Variants in WDR37 observed in about 807,000 individuals in gnomAD.
WDR37 encodes the protein WD repeat-containing protein 37.
A neutral mutation model predicts 62.9 loss-of-function variants in WDR37; 19 were observed. The observed-to-expected ratio is 0.30, with a 90% CI of 0.21 to 0.44. The LOEUF is 0.44. WDR37 is among the 20% of genes least tolerant of loss of function. The probability of loss-of-function intolerance (pLI) is 1.00; values close to 1 mark genes in which losing one functional copy is unlikely to be tolerated. For synonymous variants in WDR37, 250 were observed against 260.9 expected (o/e 0.96, Z 0.40); for missense variants, 474 against 657.6 (o/e 0.72, Z 3.05).
chr10:1,112,292 T>G (rs1336675330), intron 11 of WDR37, among the ~76,000 whole-genome samples: 1 of 152,202 alleles, frequency 6.6e-6, no homozygotes, highest in Non-Finnish European at 1.5e-5. Flanking sequence ...TATAATTGGT[T>G]TTGAGGCCCT....
intron 9 of WDR37, among the ~76,000 whole-genome samples, chr10:1,098,299 C>T (rs1834663563): frequency 6.7e-6 from 1 of 149,816 alleles, no homozygotes; most frequent in African/African-American, 2.5e-5. Context: ...TGTGCACGCT[C>T]TCTTTCTACC....
In WDR37 at chr10:1,064,583, C is replaced by CTTTTTTTT. The variant is rs71376884; in HGVS notation, c.-40-7510_-40-7503dup. Among the ~76,000 whole-genome samples, 104 of 70,490 alleles carry CTTTTTTTT rather than the reference C, an allele frequency of 1.5e-3. 11 individuals are homozygous for CTTTTTTTT. Among genetic ancestry groups the CTTTTTTTT allele is most frequent in the African/African-American group, 3.4e-3 (57 of 16,562 alleles). The allele number at this position is 70,490 out of a possible 152,430, so 46.2% of individuals were successfully genotyped here. On this transcript the variant is annotated intron_variant, in intron 1 of 13. Transcript: ENST00000263150. ...GGAAACAATTTGAGTGACAATGGAT[C>CTTTTTTTT]TTTTTTTTTTTTTTTTTTTTTTTTT...
chr10:1,126,911 T>C (rs10160136), intron 13 of WDR37, among the ~76,000 whole-genome samples: 92,420 of 152,084 alleles, frequency 0.61, 28,135 homozygotes, highest in Middle Eastern at 0.73. Flanking sequence ...AATAGTGGAG[T>C]AGAAAAATTT....
At chr10:1,111,893 T>TTC (rs200224259) in intron 11 of WDR37, among the ~76,000 whole-genome samples, 7 of 148,524 alleles carry the variant, frequency 4.7e-5, no homozygotes, top group Non-Finnish European at 4.5e-5. Flanking sequence ...TGGTGGCTAT[T>TTC]TCTCTCTCTC....
At chr10:1,069,389 A>ATTTTTTTTTTTTTTTTTTTTTT (rs377212232) in intron 1 of WDR37, among the ~76,000 whole-genome samples, 7 of 95,778 alleles carry the variant, frequency 7.3e-5, no homozygotes, top group Non-Finnish European at 1.3e-4. Flanking sequence ...ATATATATAT[A>ATTTTTTTTTTTTTTTTTTTTTT]TTTTTTTTTT....
chr10:1,107,868 C>T (rs573884449), intron 11 of WDR37, among the ~76,000 whole-genome samples: 1 of 152,232 alleles, frequency 6.6e-6, no homozygotes, highest in Admixed American at 6.5e-5. Context: ...TTCCCCTTCA[C>T]CTAGGTTTGC....
chr10:1,100,632 G>A (rs373287510), intron 9 of WDR37, among the ~76,000 whole-genome samples: 31 of 152,334 alleles, frequency 2.0e-4, no homozygotes, highest in African/African-American at 7.2e-4. Context: ...AAGCGTTTGG[G>A]TGGCGTAGTG....
At chr10:1,065,418 A>G (rs746870146) in intron 1 of WDR37, among the ~76,000 whole-genome samples, 1 of 152,344 alleles carries the variant, frequency 6.6e-6, no homozygotes, top group East Asian at 1.9e-4. Flanking sequence ...GAAATACTGT[A>G]GGTAAATAAA....
rs938429279 is a variant in WDR37 at position 1,056,671 on chromosome 10, C to G, written c.-338C>G. On this transcript the variant is annotated 5_prime_UTR_variant, in exon 1 of 14. Transcript: ENST00000263150. ...CCAGCAGCCGAAGGGGTCTTCAGCG[C>G]GCCCAGACCCCTCGGGGCTGCGGGG... 2 of 152,244 alleles carry G rather than the reference C, an allele frequency of 1.3e-5. No individual in the cohort carries two copies. The highest frequency in any genetic ancestry group is 2.9e-5 in the Non-Finnish European group (2 of 68,054). The allele number at this position is 152,244 out of a possible 1,614,324, so 9.4% of individuals were successfully genotyped here. A position where few individuals can be genotyped will look rare whatever the true frequency, so the allele number is the denominator to read the frequency against.
intron 2 of WDR37, among the ~76,000 whole-genome samples, chr10:1,077,486 C>G (rs1221314515): frequency 6.6e-6 from 1 of 152,108 alleles, no homozygotes; most frequent in South Asian, 2.1e-4. Context: ...GGGAACTCTG[C>G]AAAGGTGCCT....
At chr10:1,094,710 T>C (rs1431287224) in intron 8 of WDR37, among the ~76,000 whole-genome samples, 4 of 152,008 alleles carry the variant, frequency 2.6e-5, no homozygotes, top group East Asian at 3.8e-4. Context: ...ATCCAGGAAC[T>C]GATGAAGACT....
At chr10:1,068,568 C>A (rs1833626895) in intron 1 of WDR37, among the ~76,000 whole-genome samples, 1 of 152,052 alleles carries the variant, frequency 6.6e-6, no homozygotes, top group Non-Finnish European at 1.5e-5. Flanking sequence ...GACAAATTTT[C>A]ATAAAAGAGT....
chr10:1,065,638 C>CA lies in WDR37; in HGVS notation c.-40-6478_-40-6477insA, dbSNP rs1833515055. ...AACATGATAGAATTCAGCACTCATT[C>CA]GTGAAAGAAACTCAGAAAATGAATG... On this transcript the variant is annotated intron_variant, in intron 1 of 13. Transcript: ENST00000263150. 4.6e-5 allele frequency among the ~76,000 whole-genome samples: 7 copies of CA among 151,576 alleles called. No homozygotes were observed. In the South Asian group the frequency reaches 1.5e-3, roughly 32 times the overall value.
chr10:1,107,307 G>A (rs577475980), intron 11 of WDR37, among the ~76,000 whole-genome samples: 9 of 72 alleles, frequency 0.12, no homozygotes, highest in South Asian at 0.5. Flanking sequence ...TGTGTAGGGC[G>A]GGGCAGAGGG....
At chr10:1,088,541 CACA>C (rs1834277546) in intron 7 of WDR37, among the ~76,000 whole-genome samples, 3 of 152,066 alleles carry the variant, frequency 2.0e-5, no homozygotes, top group South Asian at 4.2e-4. Flanking sequence ...TCATAACTCC[CACA>C]ACATTTATTG....
Position 1,102,279 on chromosome 10 carries a change from C to CCTGTGACGTGCGTTCCCGTGCT in WDR37, c.727-1323_727-1322insCTGTGACGTGCGTTCCCGTGCT, listed in dbSNP as rs1285757518. Reference sequence around the variant, plus strand: ...GTCCCTGTGACGTGCGTTCCCGTGCCGCTGTGCGTCCCTGTGACGTGCGTT... The same window carrying CCTGTGACGTGCGTTCCCGTGCT: ...GTCCCTGTGACGTGCGTTCCCGTGCCCTGTGACGTGCGTTCCCGTGCTGCTGTGCGTCCCTGTGACGTGCGTT... On this transcript the variant is annotated intron_variant, in intron 9 of 13. Coordinates refer to ENST00000263150, the MANE Select transcript of WDR37 (RefSeq NM_014023.4). Among the ~76,000 whole-genome samples the CCTGTGACGTGCGTTCCCGTGCT allele has an allele frequency of 3.7e-3, 284 of 76,476 alleles. 1 individual carries two copies. The highest frequency in any genetic ancestry group is 0.012 in the African/African-American group (261 of 21,108). 50.2% of individuals were successfully genotyped at this position (76,476 alleles called of 152,430 possible).
chr10:1,067,713 C>T (rs1179819869), intron 1 of WDR37, among the ~76,000 whole-genome samples: 1 of 152,182 alleles, frequency 6.6e-6, no homozygotes, highest in South Asian at 2.1e-4. Context: ...AGATATTACA[C>T]ACCTAACGGA....
intron 11 of WDR37, among the ~76,000 whole-genome samples, chr10:1,106,129 T>C (rs764353249): frequency 2.4e-4 from 36 of 152,174 alleles, no homozygotes; most frequent in South Asian, 4.1e-4. Flanking sequence ...CGTGACCGTC[T>C]CCTTCCCCCA....
intron 6 of WDR37, 26 bp from the exon 7 acceptor site, chr10:1,086,242 ACTGATGATAGCTAAGTTC>A (rs1415922716): frequency 6.5e-7 from 1 of 1,536,900 alleles, no homozygotes; most frequent in South Asian, 1.1e-5. Flanking sequence ...AAAACTATAA[ACTGATGATAGCTAAGTTC>A]CGACTTCTTC....
Sources: allele counts gnomAD v4.1 joint callset (sites outside exome capture counted in the v4.1 genomes callset), GRCh38; gene constraint gnomAD v4.1.1; transcripts MANE v1.5; gene names NCBI Gene and HGNC (gene_info 2026-07-23, HGNC 2026-07-21).